PCDHA4: variants seen among roughly 807,000 people sequenced by gnomAD.
PCDHA4 encodes the protein protocadherin alpha 4, also known as protocadherin alpha-4.
Under a neutral mutation model 61.4 loss-of-function variants are expected in PCDHA4, and 49 were observed. The ratio of observed to expected loss-of-function variants is 0.80; its 90% CI spans 0.63 to 1.01. The LOEUF (loss-of-function observed/expected upper bound fraction) is 1.01, where lower values mean the gene tolerates loss of function less well. Ranked by LOEUF, PCDHA4 falls within the 50% of genes least tolerant of loss-of-function variation. PCDHA4 has a pLI of 0.00. For synonymous variants in PCDHA4, 590 were observed against 550.3 expected (o/e 1.07, Z -1.01); for missense variants, 1,254 against 1,235.8 (o/e 1.01, Z -0.22).
intron 1 of PCDHA4, chr5:140,829,952 C>T: frequency 3.1e-6 from 5 of 1,614,008 alleles, no homozygotes; most frequent in African/African-American, 1.3e-5. Flanking sequence ...CGCTCGCTTC[C>T]CGTTTCGCGT....
At chr5:140,892,588 T>C (rs751167275) in intron 1 of PCDHA4, among the ~76,000 whole-genome samples, 12 of 152,204 alleles carry the variant, frequency 7.9e-5, no homozygotes, top group Non-Finnish European at 1.8e-4. Flanking sequence ...TCAGTATTCA[T>C]TCACCTATTT....
chr5:140,913,558 G>T (rs1042223174), intron 1 of PCDHA4, among the ~76,000 whole-genome samples: 5 of 151,668 alleles, frequency 3.3e-5, no homozygotes, highest in Admixed American at 3.3e-4. Flanking sequence ...TTGATCTCTT[G>T]TATTTTCATC....
chr5:140,985,421 G>T (rs1554247049), intron 3 of PCDHA4, among the ~76,000 whole-genome samples: 1 of 152,110 alleles, frequency 6.6e-6, no homozygotes, highest in African/African-American at 2.4e-5. Context: ...GGAGTGAGGA[G>T]GATTTATTAG....
intron 1 of PCDHA4, among the ~76,000 whole-genome samples, chr5:140,838,563 G>A (rs1007641143): frequency 9.9e-5 from 15 of 151,752 alleles, no homozygotes; most frequent in Non-Finnish European, 1.9e-4. Context: ...ATCCAGTACT[G>A]TATTAGGGAC....
At chr5:140,843,128 T>G (rs2150353491) in intron 1 of PCDHA4, 1 of 1,595,926 alleles carries the variant, frequency 6.3e-7, no homozygotes, top group Admixed American at 1.7e-5. Flanking sequence ...CGACTCGGGC[T>G]ACAACGCGTG....
chr5:140,883,262 G>T (rs1211665444), intron 1 of PCDHA4: 1 of 1,613,956 alleles, frequency 6.2e-7, no homozygotes. Flanking sequence ...TCCAATGGCG[G>T]GTCATTGTAC....
At chr5:140,921,588 T>C (rs534654717) in intron 1 of PCDHA4, among the ~76,000 whole-genome samples, 1 of 152,342 alleles carries the variant, frequency 6.6e-6, no homozygotes, top group African/African-American at 2.4e-5. Flanking sequence ...TACTATATTA[T>C]GGTTTCAAAG....
At chr5:140,884,049 TGC>T (rs1554181152) in intron 1 of PCDHA4, 1 of 1,613,414 alleles carries the variant, frequency 6.2e-7, no homozygotes. Context: ...GTGGCGAAGG[TGC>T]GCGCGGTGGA....
intron 1 of PCDHA4, among the ~76,000 whole-genome samples, chr5:140,941,977 A>G (rs1247578104): frequency 6.6e-6 from 1 of 152,154 alleles, no homozygotes; most frequent in Admixed American, 6.5e-5. Context: ...CTTTCCCTAA[A>G]CCTTGATAAG....
At chr5:140,912,922 G>A (rs1554195623) in intron 1 of PCDHA4, among the ~76,000 whole-genome samples, 3 of 152,210 alleles carry the variant, frequency 2.0e-5, no homozygotes, top group African/African-American at 7.2e-5. Context: ...ATTTGTGTAT[G>A]TTGAATCATC....
At chr5:140,893,204 G>A (rs1207669882) in intron 1 of PCDHA4, among the ~76,000 whole-genome samples, 1 of 152,244 alleles carries the variant, frequency 6.6e-6, no homozygotes, top group African/African-American at 2.4e-5. Context: ...GCTGCAGTAA[G>A]TATGGGAGGT....
At position 140,809,150 on chromosome 5, in the gene PCDHA4, G is replaced by A. The variant is rs1554125029; in HGVS notation, c.1963G>A (p.Gly655Ser). 4 of 1,613,976 alleles carry A rather than the reference G, an allele frequency of 2.5e-6. No individual in the cohort carries two copies. In the South Asian group the frequency reaches 4.4e-5, roughly 18 times the overall value. Residue 655 changes from glycine to serine, a missense_variant, in exon 1 of 4, where the codon GGC (glycine) becomes AGC (serine). Transcript: ENST00000530339. ...CCTACTGGTACTGGTGAAGGACCAC[G>A]GCGAGCCCGCGCTGACGGCCACGGC... is the stretch of plus-strand genomic sequence containing the variant. Reference protein sequence around the residue: ...HRLLVLVKDHGEPALTATATV... With the variant: ...HRLLVLVKDHSEPALTATATV...
intron 1 of PCDHA4, chr5:140,967,079 A>T: frequency 1.2e-6 from 2 of 1,613,252 alleles, no homozygotes; most frequent in South Asian, 2.2e-5. Flanking sequence ...CAACGAGCGC[A>T]TTGATCGGGA....
At chr5:140,964,629 T>C (rs1315614801) in intron 1 of PCDHA4, among the ~76,000 whole-genome samples, 1 of 152,028 alleles carries the variant, frequency 6.6e-6, no homozygotes, top group Non-Finnish European at 1.5e-5. Context: ...TTATAAGCCA[T>C]TTATTTTCAG....
chr5:140,868,098 A>G (rs972281563), intron 1 of PCDHA4: 22 of 152,120 alleles, frequency 1.4e-4, no homozygotes, highest in Admixed American at 1.0e-3. Context: ...AATGATAATA[A>G]AATTTATTTT....
chr5:140,828,831 A>G (rs2150159433), intron 1 of PCDHA4: 1 of 1,614,230 alleles, frequency 6.2e-7, no homozygotes, highest in East Asian at 2.2e-5. Flanking sequence ...CAGTCTGAAT[A>G]CGAAGTAAGA....
intron 1 of PCDHA4, chr5:140,870,796 C>A (rs1581985922): frequency 6.2e-7 from 1 of 1,613,576 alleles, no homozygotes; most frequent in South Asian, 1.1e-5. Context: ...GCCGGCACTG[C>A]TGGCGACTCA....
chr5:140,901,575 C>T (rs1554189900), intron 1 of PCDHA4, among the ~76,000 whole-genome samples: 1 of 152,030 alleles, frequency 6.6e-6, no homozygotes, highest in African/African-American at 2.4e-5. Context: ...GTTTTTATGC[C>T]AGTGCCATGA....
chr5:140,944,697 T>C (rs1227405627), intron 1 of PCDHA4, among the ~76,000 whole-genome samples: 1 of 152,198 alleles, frequency 6.6e-6, no homozygotes, highest in Non-Finnish European at 1.5e-5. Context: ...ATAACAGTAA[T>C]TATCAGGTTA....
Sources: gnomAD v4.1 joint callset for allele counts (sites outside exome capture counted in the v4.1 genomes callset) on GRCh38, gnomAD v4.1.1 for gene constraint, MANE v1.5 for transcripts, NCBI Gene and HGNC (gene_info 2026-07-23, HGNC 2026-07-21) for gene names.